Variants in ABCC4 observed in about 807,000 individuals in gnomAD.
ABCC4 encodes ATP-binding cassette sub-family C member 4.
In ABCC4, 102 loss-of-function variants were observed where a neutral mutation model predicts 168.5. The ratio of observed to expected loss-of-function variants is 0.61; its 90% confidence interval spans 0.52 to 0.71. The LOEUF is 0.71. ABCC4 is among the 30% of genes least tolerant of loss of function. ABCC4 has a pLI of 0.00. For synonymous variants in ABCC4, 617 were observed against 590.7 expected (o/e 1.04, Z -0.65); for missense variants, 1,402 against 1,605.8 (o/e 0.87, Z 2.17).
At chr13:95,049,440 G>A (rs1402471736) in intron 27 of ABCC4, among the ~76,000 whole-genome samples, 1 of 152,048 alleles carries the variant, frequency 6.6e-6, no homozygotes, top group Non-Finnish European at 1.5e-5. Flanking sequence ...AGGGGTTTGA[G>A]ACCAGCCTGG....
chr13:95,106,302 G>A (rs1293449242), intron 20 of ABCC4, among the ~76,000 whole-genome samples: 4 of 151,664 alleles, frequency 2.6e-5, no homozygotes, highest in African/African-American at 7.3e-5. Context: ...ACATATCAAC[G>A]GTTTAATTGC....
chr13:95,253,557 C>A lies in ABCC4; in HGVS notation c.75-5804G>T, dbSNP rs183483350. On this transcript the variant is annotated intron_variant, in intron 1 of 30. Transcript: ENST00000645237. ...GTCAGGAGTTCGAGACCAGCCTGGC[C>A]AGCATGATGAAACCCCGCCTCTACT... 2.8e-3 allele frequency among the ~76,000 whole-genome samples: 430 copies of A among 152,014 alleles called. 1 individual carries two copies. Among genetic ancestry groups the A allele is most frequent in the Non-Finnish European group, 4.7e-3 (318 of 67,960 alleles).
intron 11 of ABCC4, among the ~76,000 whole-genome samples, chr13:95,179,476 G>A (rs957224395): frequency 3.3e-5 from 5 of 152,098 alleles, no homozygotes; most frequent in Non-Finnish European, 1.5e-5. Context: ...TCCAACCAAA[G>A]TTATATTTAA....
At chr13:95,208,189 C>T (rs1037111921) in intron 6 of ABCC4, among the ~76,000 whole-genome samples, 3 of 152,082 alleles carry the variant, frequency 2.0e-5, no homozygotes, top group Non-Finnish European at 4.4e-5. Context: ...TCTGTCCCCT[C>T]GAGGAGCTCA....
chr13:95,086,995 A>G (rs2034278602), intron 20 of ABCC4, among the ~76,000 whole-genome samples: 1 of 151,256 alleles, frequency 6.6e-6, no homozygotes, highest in African/African-American at 2.4e-5. Context: ...AATCATCCAG[A>G]TTGCTTTAAA....
intron 30 of ABCC4, among the ~76,000 whole-genome samples, chr13:95,024,889 C>A (rs1027485828): frequency 6.6e-6 from 1 of 151,906 alleles, no homozygotes; most frequent in African/African-American, 2.4e-5. Flanking sequence ...TCAGGAGAGC[C>A]TGAATGGTAA....
At chr13:95,184,901 A>T (rs2038009574) in intron 11 of ABCC4, among the ~76,000 whole-genome samples, 1 of 152,162 alleles carries the variant, frequency 6.6e-6, no homozygotes, top group Admixed American at 6.5e-5. Flanking sequence ...TCAACTCCCT[A>T]AAACATGATA....
At chr13:95,239,650 T>G (rs1305680905) in intron 3 of ABCC4, among the ~76,000 whole-genome samples, 2 of 152,002 alleles carry the variant, frequency 1.3e-5, no homozygotes, top group East Asian at 3.9e-4. Flanking sequence ...ACTGTTTAAA[T>G]CCATGAGCTC....
chr13:95,090,314 G>A (rs1370372981), intron 20 of ABCC4, among the ~76,000 whole-genome samples: 1 of 152,146 alleles, frequency 6.6e-6, no homozygotes, highest in Admixed American at 6.5e-5. Flanking sequence ...AGGCCAACCA[G>A]TACAAAAATA....
In ABCC4 at chr13:95,075,508, C is replaced by G. The variant is rs200537370; in HGVS notation, c.2730G>C (p.Gly910=). 6.8e-6 allele frequency: 11 copies of G among 1,614,048 alleles called. No individual in the cohort carries two copies. The highest frequency in any genetic ancestry group is 7.6e-6 in the Non-Finnish European group (9 of 1,179,978). Residue 910 remains glycine (G), a synonymous_variant, in exon 22 of 31, where the codon GGG becomes GGC. Coordinates refer to ENST00000645237, the MANE Select transcript of ABCC4 (RefSeq NM_005845.5). ...CTTTGTATGCCCGGATGGTCCAGAG[C>G]CCCTGGAGAGAAGATGATAAGTGGG... The part of the protein sequence containing the change: ...VFSHLSSSLQ[G]LWTIRAYKAE...
At chr13:95,045,099 T>A (rs912514041) in intron 27 of ABCC4, among the ~76,000 whole-genome samples, 16 of 152,172 alleles carry the variant, frequency 1.1e-4, no homozygotes, top group African/African-American at 3.9e-4. Context: ...ATAACCAACA[T>A]GACAGCCAAC....
intron 3 of ABCC4, among the ~76,000 whole-genome samples, chr13:95,237,824 AAAG>A (rs2039816770): frequency 6.6e-6 from 1 of 152,090 alleles, no homozygotes; most frequent in South Asian, 2.1e-4. Context: ...ACAAGCTACC[AAAG>A]AAGATGTTTG....
At chr13:95,101,991 T>C (rs1038393047) in intron 20 of ABCC4, among the ~76,000 whole-genome samples, 3 of 152,234 alleles carry the variant, frequency 2.0e-5, no homozygotes, top group Non-Finnish European at 4.4e-5. Flanking sequence ...ATAACCCTCA[T>C]GGAATAGGTA....
At chr13:95,074,137 T>G (rs913468757) in intron 23 of ABCC4, 77 bp downstream of exon 23, 8 of 1,114,224 alleles carry the variant, frequency 7.2e-6, no homozygotes, top group Admixed American at 7.0e-5. Flanking sequence ...GTAGACAAGG[T>G]GGCAAGAGTT....
intron 24 of ABCC4, among the ~76,000 whole-genome samples, chr13:95,072,633 C>G (rs1388324486): frequency 6.6e-6 from 1 of 152,152 alleles, no homozygotes; most frequent in Non-Finnish European, 1.5e-5. Flanking sequence ...GGGGAAGGTG[C>G]AAATATTTAA....
intron 20 of ABCC4, among the ~76,000 whole-genome samples, chr13:95,091,262 A>C (rs1196184998): frequency 6.6e-6 from 1 of 152,228 alleles, no homozygotes; most frequent in East Asian, 1.9e-4. Flanking sequence ...GCCTTGCTAG[A>C]GACCTAGACA....
chr13:95,113,801 T>C (rs911092945), intron 20 of ABCC4, among the ~76,000 whole-genome samples: 1 of 152,190 alleles, frequency 6.6e-6, no homozygotes, highest in African/African-American at 2.4e-5. Flanking sequence ...AGTTACTGCA[T>C]TGTTTACCAC....
At chr13:95,187,353 C>G (rs904985436) in intron 10 of ABCC4, among the ~76,000 whole-genome samples, 3 of 152,156 alleles carry the variant, frequency 2.0e-5, no homozygotes, top group Non-Finnish European at 4.4e-5. Flanking sequence ...GCCTGTAATC[C>G]CAGCACTTTG....
chr13:95,025,198 ACAC>A (rs1566350687), intron 30 of ABCC4, among the ~76,000 whole-genome samples: 54 of 78,714 alleles, frequency 6.9e-4, no homozygotes, highest in African/African-American at 3.9e-3. Flanking sequence ...CCCACACCAC[ACAC>A]CCCCACACCC....
Sources: allele counts gnomAD v4.1 joint callset (sites outside exome capture counted in the v4.1 genomes callset), GRCh38; gene constraint gnomAD v4.1.1; transcripts MANE v1.5; gene names NCBI Gene and HGNC (gene_info 2026-07-23, HGNC 2026-07-21).